CUBN: variants seen among roughly 807,000 people sequenced by gnomAD.
CUBN encodes the protein 460 kDa receptor.
In CUBN, 282 loss-of-function variants were observed where a neutral mutation model predicts 405.3. The observed-to-expected ratio is 0.70, with a 90% CI of 0.63 to 0.77. The LOEUF is 0.77. Ranked by LOEUF, CUBN falls within the 30% of genes least tolerant of loss-of-function variation. The pLI is 0.00. For missense variants in CUBN, 4,514 were observed against 4,475.2 expected (o/e 1.01, Z -0.25); for synonymous variants, 1,684 against 1,617.0 (o/e 1.04, Z -0.99).
At chr10:16,898,611 C>A (rs10904835) in intron 54 of CUBN, among the ~76,000 whole-genome samples, 57,985 of 151,590 alleles carry the variant, frequency 0.38, 12,397 homozygotes, top group Middle Eastern at 0.53. Context: ...TTTGAAAGAG[C>A]TTTGCTCTCC....
chr10:16,945,753 C>T (rs1791999575), intron 36 of CUBN, among the ~76,000 whole-genome samples: 1 of 141,764 alleles, frequency 7.1e-6, no homozygotes, highest in Admixed American at 7.2e-5. Context: ...GGCAACAGAG[C>T]CAGACTGTGT....
At chr10:17,036,278 A>G (rs1323021551) in intron 27 of CUBN, among the ~76,000 whole-genome samples, 1 of 152,198 alleles carries the variant, frequency 6.6e-6, no homozygotes, top group Non-Finnish European at 1.5e-5. Flanking sequence ...CTGTAGGGTC[A>G]AGGCTGGGGT....
At chr10:17,072,807 T>C (rs10752066) in intron 17 of CUBN, among the ~76,000 whole-genome samples, 132,376 of 152,100 alleles carry the variant, frequency 0.87, 57,740 homozygotes, top group South Asian at 0.95. Flanking sequence ...TTTTTTTAAA[T>C]GTGAAATCTA....
intron 56 of CUBN, among the ~76,000 whole-genome samples, chr10:16,878,256 C>T (rs1316463053): frequency 6.6e-6 from 1 of 152,086 alleles, no homozygotes; most frequent in Non-Finnish European, 1.5e-5. Flanking sequence ...CCACTTCACT[C>T]CAGCCTGGGT....
chr10:17,006,038 G>C (rs1367533055), intron 28 of CUBN, among the ~76,000 whole-genome samples: 2 of 152,166 alleles, frequency 1.3e-5, no homozygotes, highest in African/African-American at 4.8e-5. Context: ...GCCAAGGAGA[G>C]AGGCCTCAGG....
Position 16,840,404 on chromosome 10 carries a change from T to A in CUBN, c.9958A>T (p.Ile3320Leu). 6.2e-7 allele frequency: 1 copy of A among 1,614,122 alleles called. No homozygotes were observed. Among genetic ancestry groups the A allele is most frequent in the Non-Finnish European group, 8.5e-7 (1 of 1,180,008 alleles). The change falls in exon 62 of 67, where the codon ATA becomes TTA. Residue 3320 changes from isoleucine to leucine, a missense_variant. Ile to Leu is a conservative substitution (Grantham distance 5, BLOSUM62 2). Coordinates refer to ENST00000377833, the MANE Select transcript of CUBN (RefSeq NM_001081.4). ...GTCAGCTGTAATGCCCACACAGTTA[T>A]CTTGACCTGCTGATGCGGAGGGGAA... ...IDSPPHQQVK[I>L]TVWALQLTSQ...
At chr10:16,991,536 C>T (rs973735503) in intron 28 of CUBN, among the ~76,000 whole-genome samples, 7 of 151,588 alleles carry the variant, frequency 4.6e-5, no homozygotes, top group African/African-American at 1.7e-4. Context: ...TTATGAGAGA[C>T]ACAATTAGAA....
intron 17 of CUBN, among the ~76,000 whole-genome samples, chr10:17,072,247 T>C (rs1835757425): frequency 6.6e-6 from 1 of 152,064 alleles, no homozygotes; most frequent in Admixed American, 6.6e-5. Context: ...AGGAAATAAA[T>C]TCACAATTTA....
At position 17,010,575 on chromosome 10, in the gene CUBN, G is replaced by T. The variant is rs77558030; in HGVS notation, c.4168+9258C>A. Reference sequence around the variant, plus strand: ...AATCACTTAAGCCTCAGAGCTCAAGGCTCCAGTGAGCTATGACCAGGACAC... The same window carrying T: ...AATCACTTAAGCCTCAGAGCTCAAGTCTCCAGTGAGCTATGACCAGGACAC... On this transcript the variant is annotated intron_variant, in intron 28 of 66. Transcript: ENST00000377833. Among the ~76,000 whole-genome samples the T allele has an allele frequency of 4.7e-4, 71 of 152,242 alleles. 3 individuals are homozygous for T. In the East Asian group the frequency reaches 0.013, roughly 27 times the overall value.
intron 31 of CUBN, among the ~76,000 whole-genome samples, chr10:16,971,005 C>T (rs1346031155): frequency 6.6e-6 from 1 of 152,132 alleles, no homozygotes; most frequent in South Asian, 2.1e-4. Flanking sequence ...CTTCTTCTAA[C>T]AACCCAAATT....
chr10:16,976,674 A>G (rs1157401911), intron 31 of CUBN, among the ~76,000 whole-genome samples: 1 of 151,944 alleles, frequency 6.6e-6, no homozygotes, highest in Admixed American at 6.6e-5. Flanking sequence ...TGAGACTCCA[A>G]TTAAGTGTGT....
intron 56 of CUBN, among the ~76,000 whole-genome samples, chr10:16,883,122 C>G (rs1267916805): frequency 2.0e-5 from 3 of 152,018 alleles, no homozygotes; most frequent in Non-Finnish European, 4.4e-5. Context: ...GAAATGGGTT[C>G]TAGGCAGAGG....
rs966567171 is a variant in CUBN at position 17,019,746 on chromosome 10, T to C, written c.4168+87A>G. 2.0e-6 allele frequency: 3 copies of C among 1,485,262 alleles called. No individual in the cohort carries two copies. The African/African-American group carries it at 4.1e-5, about 21-fold the overall frequency. The allele number at this position is 1,485,262 out of a possible 1,614,324, so 92.0% of individuals were successfully genotyped here. A position where few individuals can be genotyped will look rare whatever the true frequency, so the allele number is the denominator to read the frequency against. ...CCTGGGTTCCATTATTTGTTCATGGTATTGTTTCTAAGTTTGGAACTGAAA... is the reference window on the plus strand; with the variant it reads ...CCTGGGTTCCATTATTTGTTCATGGCATTGTTTCTAAGTTTGGAACTGAAA... On this transcript the variant is annotated intron_variant, in intron 28 of 66. Transcript: ENST00000377833.
intron 27 of CUBN, among the ~76,000 whole-genome samples, chr10:17,024,288 A>G (rs1834593675): frequency 6.6e-6 from 1 of 152,152 alleles, no homozygotes. Context: ...CTGAAAGTCA[A>G]GTTCTAAGTG....
intron 50 of CUBN, among the ~76,000 whole-genome samples, chr10:16,904,578 C>A (rs1242452290): frequency 6.6e-6 from 1 of 152,184 alleles, no homozygotes; most frequent in Non-Finnish European, 1.5e-5. Context: ...GGCATTCAGG[C>A]CAAGAGCTGT....
At chr10:16,994,579 A>G (rs1214248402) in intron 28 of CUBN, among the ~76,000 whole-genome samples, 3 of 152,336 alleles carry the variant, frequency 2.0e-5, no homozygotes, top group Admixed American at 2.0e-4. Context: ...TGGAGAGGAA[A>G]GAAGTTATAT....
At chr10:17,100,405 G>A (rs1253347704) in intron 13 of CUBN, among the ~76,000 whole-genome samples, 166 bp from the exon 14 acceptor site, 1 of 152,000 alleles carries the variant, frequency 6.6e-6, no homozygotes, top group Non-Finnish European at 1.5e-5. Flanking sequence ...TAAATAACTT[G>A]TGCTAAATAT....
At chr10:16,926,904 C>G (rs1361933730) in intron 41 of CUBN, among the ~76,000 whole-genome samples, 1 of 151,680 alleles carries the variant, frequency 6.6e-6, no homozygotes, top group Non-Finnish European at 1.5e-5. Flanking sequence ...CTGGTGAAGT[C>G]TATATTTTAG....
At chr10:16,895,808 T>G (rs1330819732) in intron 54 of CUBN, among the ~76,000 whole-genome samples, 1 of 152,212 alleles carries the variant, frequency 6.6e-6, no homozygotes, top group Non-Finnish European at 1.5e-5. Flanking sequence ...TTATTATCAC[T>G]TAGATCATGT....
Sources: allele counts gnomAD v4.1 joint callset (sites outside exome capture counted in the v4.1 genomes callset), GRCh38; gene constraint gnomAD v4.1.1; transcripts MANE v1.5; gene names NCBI Gene and HGNC (gene_info 2026-07-23, HGNC 2026-07-21).